Variants in RFX1 observed in about 807,000 individuals in gnomAD.
RFX1 encodes the protein regulatory factor X1, also known as MHC class II regulatory factor RFX1.
In RFX1, 42 loss-of-function variants were observed where a neutral mutation model predicts 119.6. The observed-to-expected ratio is 0.35, with a 90% confidence interval of 0.27 to 0.45. The LOEUF (loss-of-function observed/expected upper bound fraction) is 0.45, where lower values mean the gene tolerates loss of function less well. Among genes scored for constraint, RFX1 ranks in the 20% least tolerant of loss-of-function variants. RFX1 has a pLI of 1.00. For missense variants in RFX1, 1,118 were observed against 1,368.1 expected, an observed-to-expected ratio of 0.82 and a Z score of 2.88; for synonymous variants, 628 against 618.5, an observed-to-expected ratio of 1.02 and a Z score of -0.23.
intron 8 of RFX1, 62 bp downstream of exon 8, chr19:13,977,930 G>T: frequency 7.7e-7 from 1 of 1,291,786 alleles, no homozygotes; most frequent in Non-Finnish European, 1.1e-6. Flanking sequence ...TGGTGTCCTG[G>T]GAGACTGGGG....
rs1379670900 is a variant in RFX1, at chr19:13,968,836, G to A, written c.1555C>T (p.Arg519Trp). Reference protein sequence around the residue: ...LRIKASSPLLRLMEDQQHMAM... With the variant: ...LRIKASSPLLWLMEDQQHMAM... ...ATGTGCTGCTGGTCCTCCATCAGCC[G>A]CAGCAGGGGTGAGCTGGCCTTGATG... Residue 519 changes from arginine (R) to tryptophan (W), a missense_variant, in exon 11 of 21, where the codon CGG (arginine) becomes TGG (tryptophan). Physicochemically the swap from Arg to Trp is moderately radical, Grantham distance 101 (BLOSUM62 -3). Around this residue, in one of 5 missense-constraint regions of RFX1, gnomAD observed 338 missense variants for 508.9 expected, o/e 0.66. Transcript: ENST00000254325. This position sits in a 1 kb window ranked among gnomAD's most constrained non-coding sequence, Gnocchi z 5.5. The A allele has an allele frequency of 8.4e-6, 13 of 1,556,720 alleles. No individual in the cohort carries two copies. Among genetic ancestry groups the A allele is most frequent in the Admixed American group, 1.9e-5 (1 of 51,446 alleles).
In RFX1 at chr19:13,963,276, C is replaced by G; in HGVS notation, c.2571-1G>C. 1.9e-6 allele frequency: 3 copies of G among 1,608,342 alleles called. No homozygotes were observed. The highest frequency in any genetic ancestry group is 2.5e-6 in the Non-Finnish European group (3 of 1,178,860). ...GGTCAGGTCCCGGATCACCATGGAG[C>G]TGGGGATGGAGACGGAGAGGAGACC... On this transcript the variant is annotated splice_acceptor_variant, in intron 18 of 20. Coordinates refer to ENST00000254325, the MANE Select transcript of RFX1 (RefSeq NM_002918.5). LOFTEE classifies it high-confidence loss of function.
Position 13,962,412 on chromosome 19 carries a change from G to T in RFX1, c.*283C>A, listed in dbSNP as rs767599086. ...CTGGGGAGAAGACGCTGGGGCCTGGGAGGGGGGCGGCCAAGGGGCCGAGCT... is the reference window on the plus strand; with the variant it reads ...CTGGGGAGAAGACGCTGGGGCCTGGTAGGGGGGCGGCCAAGGGGCCGAGCT... On this transcript the variant is annotated 3_prime_UTR_variant, in exon 21 of 21. Coordinates refer to ENST00000254325, the MANE Select transcript of RFX1 (RefSeq NM_002918.5). 368 of 479,332 alleles carry T rather than the reference G, an allele frequency of 7.7e-4. 1 individual carries two copies. Among genetic ancestry groups the T allele is most frequent in the Non-Finnish European group, 1.2e-3 (314 of 270,386 alleles). 29.7% of individuals were successfully genotyped at this position (479,332 alleles called of 1,614,324 possible). A position where few individuals can be genotyped will look rare whatever the true frequency, so the allele number is the denominator to read the frequency against.
At chr19:13,979,114 G>A (rs1296129262) in intron 7 of RFX1, among the ~76,000 whole-genome samples, 2 of 151,978 alleles carry the variant, frequency 1.3e-5, no homozygotes, top group Non-Finnish European at 2.9e-5. Flanking sequence ...GGGGTCAACG[G>A]GGGCGGCCGC....
At chr19:13,991,646 G>A (rs1974805088) in intron 2 of RFX1, among the ~76,000 whole-genome samples, 1 of 152,068 alleles carries the variant, frequency 6.6e-6, no homozygotes, top group Non-Finnish European at 1.5e-5. Flanking sequence ...TCCACAACGG[G>A]GCCAATTGCT....
At chr19:13,983,404 G>A in intron 3 of RFX1, 82 bp downstream of exon 3, 1 of 1,257,010 alleles carries the variant, frequency 8.0e-7, no homozygotes, top group Non-Finnish European at 1.1e-6. Flanking sequence ...AAGCGGGGAG[G>A]GGAGGTGAGG....
At chr19:13,991,536 T>C (rs1324789318) in intron 2 of RFX1, among the ~76,000 whole-genome samples, 1 of 152,130 alleles carries the variant, frequency 6.6e-6, no homozygotes, top group Non-Finnish European at 1.5e-5. Flanking sequence ...TCCCTGCATG[T>C]TCCCGCCCCA....
rs1445465401 is a variant in RFX1 at position 13,961,848 on chromosome 19, CAA to C, written c.*845_*846del. On this transcript the variant is annotated 3_prime_UTR_variant, in exon 21 of 21. Transcript: ENST00000254325. ...GTTGGAAAAAAACCCAACAAGTTAC[CAA>C]CTCCGCTCGGGCGGCGCTCACGAAT... 1.3e-5 allele frequency: 2 copies of C among 152,390 alleles called. No individual in the cohort carries two copies. The highest frequency in any genetic ancestry group is 2.4e-5 in the African/African-American group (1 of 41,464). 9.4% of individuals were successfully genotyped at this position (152,390 alleles called of 1,614,324 possible).
In RFX1 at chr19:13,963,036, C is replaced by A. The variant is rs1192556311; in HGVS notation, c.2728G>T (p.Ala910Ser). Residue 910 changes from alanine (A) to serine (S), a missense_variant, in exon 20 of 21, where the codon GCC becomes TCC. Physicochemically the swap from Ala to Ser is moderately conservative, Grantham distance 99. Coordinates refer to ENST00000254325, the MANE Select transcript of RFX1 (RefSeq NM_002918.5). ...GGGTTCAGGGAGGTGGCCAGATTGGCGAACTGGAGGAAGAAGAGAAGAAAA... is the reference window on the plus strand; with the variant it reads ...GGGTTCAGGGAGGTGGCCAGATTGGAGAACTGGAGGAAGAAGAGAAGAAAA... Reference protein sequence around the residue: ...ETPIAVMGEFANLATSLNPLD... With the variant: ...ETPIAVMGEFSNLATSLNPLD... 2 of 1,562,580 alleles carry A rather than the reference C, an allele frequency of 1.3e-6. No homozygotes were observed. The highest frequency in any genetic ancestry group is 3.9e-5 in the Admixed American group (2 of 51,892).
intron 5 of RFX1, among the ~76,000 whole-genome samples, chr19:13,981,448 T>C (rs1315038694): frequency 1.3e-5 from 2 of 152,010 alleles, no homozygotes; most frequent in African/African-American, 4.8e-5. Flanking sequence ...ATACAAAAAT[T>C]AGCAGGGCGT....
intron 7 of RFX1, among the ~76,000 whole-genome samples, chr19:13,978,540 G>A (rs1974325536): frequency 6.6e-6 from 1 of 152,120 alleles, no homozygotes; most frequent in African/African-American, 2.4e-5. Flanking sequence ...GGCGGGGCCT[G>A]AGTCCCCCAC....
At chr19:13,978,510 A>C (rs1344162241) in intron 7 of RFX1, among the ~76,000 whole-genome samples, 2 of 152,090 alleles carry the variant, frequency 1.3e-5, no homozygotes, top group Admixed American at 1.3e-4. Flanking sequence ...AGAACCTGGA[A>C]TCACTGACAG....
chr19:14,001,915 C>A (rs1419588070), intron 1 of RFX1, among the ~76,000 whole-genome samples: 2 of 152,234 alleles, frequency 1.3e-5, no homozygotes, highest in Non-Finnish European at 2.9e-5. Context: ...GCGTGTGGAT[C>A]ACCTGAGGTC....
chr19:13,978,676 C>T (rs1303497411), intron 7 of RFX1, among the ~76,000 whole-genome samples: 1 of 152,106 alleles, frequency 6.6e-6, no homozygotes, highest in Non-Finnish European at 1.5e-5. Context: ...CTTGCGGGGC[C>T]TGGTGGGCGG....
At position 13,978,050 on chromosome 19, in the gene RFX1, A is replaced by T. The variant is rs1248533996; in HGVS notation, c.871T>A (p.Tyr291Asn). The T allele has an allele frequency of 6.2e-7, 1 of 1,613,528 alleles. No homozygotes were observed. The highest frequency in any genetic ancestry group is 8.5e-7 in the Non-Finnish European group (1 of 1,179,826). The change falls in exon 8 of 21, where the codon TAC (tyrosine) becomes AAC (asparagine). Residue 291 changes from tyrosine (Y) to asparagine (N), a missense_variant. Transcript: ENST00000254325. The stretch of plus-strand genomic sequence containing the variant: ...TCCACATACTGCACCTGGCTGGAGT[A>T]CACGTGTGGGACGGGCACCTGCTGG... ...QLQQVPVPHV[Y>N]SSQVQYVEGG...
chr19:13,979,303 G>A, intron 7 of RFX1, 144 bp downstream of exon 7: 1 of 509,180 alleles, frequency 2.0e-6, no homozygotes, highest in Non-Finnish European at 3.4e-6. Flanking sequence ...GAGCTGCCAG[G>A]GGGCCGGGAA....
chr19:13,963,804 C>G (rs1334381000), intron 17 of RFX1, 54 bp downstream of exon 17: 1 of 1,497,006 alleles, frequency 6.7e-7, no homozygotes, highest in African/African-American at 1.4e-5. Context: ...CCCCGCCTGG[C>G]CCGCCCCGTT....
rs772319620 is a variant in RFX1 at position 13,993,712 on chromosome 19, G to T, written c.132C>A (p.Pro44=). ...PPAAPQPPQP[P]TAAATPQPQY... ...GGGGCTGAGGGGTGGCAGCAGCGGT[G>T]GGTGGCTGCGGGGGCTGGGGTGCCG... The change falls in exon 2 of 21, where the codon CCC becomes CCA. Residue 44 remains proline (P), a synonymous_variant. Coordinates refer to ENST00000254325, the MANE Select transcript of RFX1 (RefSeq NM_002918.5). 6 of 1,580,152 alleles carry T rather than the reference G, an allele frequency of 3.8e-6. No individual in the cohort carries two copies. The highest frequency in any genetic ancestry group is 5.2e-6 in the Non-Finnish European group (6 of 1,162,926).
At chr19:14,001,327 G>C (rs1975210205) in intron 1 of RFX1, among the ~76,000 whole-genome samples, 1 of 152,152 alleles carries the variant, frequency 6.6e-6, no homozygotes, top group Non-Finnish European at 1.5e-5. Context: ...TAGAGACAAG[G>C]TCTCACTCTG....
Sources: gnomAD v4.1 joint callset for allele counts (sites outside exome capture counted in the v4.1 genomes callset) on GRCh38, gnomAD v4.1.1 for gene constraint, gnomAD v4.1.1 regional missense constraint, Gnocchi (gnomAD v3.1) non-coding constraint, MANE v1.5 for transcripts, NCBI Gene and HGNC (gene_info 2026-07-23, HGNC 2026-07-21) for gene names.